Variants in SCHIP1 observed in about 807,000 individuals in gnomAD.
The protein encoded by SCHIP1 is schwannomin interacting protein 1.
In SCHIP1, 8 loss-of-function variants were observed where a neutral mutation model predicts 29.7. That is an observed-to-expected ratio of 0.27 (90% confidence interval 0.16 to 0.49). The LOEUF (loss-of-function observed/expected upper bound fraction) is 0.49, where lower values mean the gene tolerates loss of function less well. Among genes scored for constraint, SCHIP1 ranks in the 20% least tolerant of loss-of-function variants. The pLI is 0.99. For missense variants in SCHIP1, 193 were observed against 294.6 expected, an observed-to-expected ratio of 0.66 and a Z score of 2.52; for synonymous variants, 76 against 94.9, an observed-to-expected ratio of 0.80 and a Z score of 1.16.
At chr3:159,518,538 T>C in the SCHIP1 span, among the ~76,000 whole-genome samples, 3 of 152,272 alleles carry the variant, frequency 2.0e-5, no homozygotes, top group East Asian at 5.8e-4. Flanking sequence ...CATTCTGAGA[T>C]GCTCTATTAA....
chr3:159,606,294 C>CA, the SCHIP1 span, among the ~76,000 whole-genome samples: 2 of 152,082 alleles, frequency 1.3e-5, no homozygotes, highest in African/African-American at 4.8e-5. Context: ...ATTTTCACCT[C>CA]AAAAAAGTGG....
At chr3:159,469,873 C>T in the SCHIP1 span, among the ~76,000 whole-genome samples, 4 of 152,038 alleles carry the variant, frequency 2.6e-5, no homozygotes, top group Non-Finnish European at 5.9e-5. Flanking sequence ...AAAGTCAATT[C>T]CCCTTGTTAA....
the SCHIP1 span, among the ~76,000 whole-genome samples, chr3:159,546,120 A>G: frequency 6.6e-6 from 1 of 152,020 alleles, no homozygotes; most frequent in Non-Finnish European, 1.5e-5. Flanking sequence ...TTTAATTCTA[A>G]TGGTTAATCA....
chr3:159,506,905 C>G, the SCHIP1 span, among the ~76,000 whole-genome samples: 1 of 152,134 alleles, frequency 6.6e-6, no homozygotes. Flanking sequence ...TAGCGTGATG[C>G]CCCCAGCTTT....
chr3:159,640,759 A>T, the SCHIP1 span, among the ~76,000 whole-genome samples: 1 of 152,132 alleles, frequency 6.6e-6, no homozygotes, highest in Non-Finnish European at 1.5e-5. Flanking sequence ...TTTCATTACC[A>T]TTGACTGGCC....
the SCHIP1 span, among the ~76,000 whole-genome samples, chr3:159,425,996 A>G: frequency 6.6e-6 from 1 of 152,210 alleles, no homozygotes; most frequent in Non-Finnish European, 1.5e-5. Context: ...GAAACCAACA[A>G]GAACAAAGAC....
chr3:159,853,219 G>A (rs1560083013), intron 1 of SCHIP1: 1 of 483,912 alleles, frequency 2.1e-6, no homozygotes, highest in Non-Finnish European at 3.7e-6. Flanking sequence ...GGCAGTGTCT[G>A]TGGGACAGAG....
the SCHIP1 span, among the ~76,000 whole-genome samples, chr3:159,458,003 T>G: frequency 6.6e-6 from 1 of 152,288 alleles, no homozygotes. Flanking sequence ...AAAAATATAT[T>G]AAACCTCAAA....
chr3:159,711,008 T>C, the SCHIP1 span, among the ~76,000 whole-genome samples: 3 of 152,220 alleles, frequency 2.0e-5, no homozygotes, highest in Admixed American at 2.0e-4. Context: ...GAAATCTCTT[T>C]GTTGTGTCCC....
At chr3:159,803,285 A>G in the SCHIP1 span, among the ~76,000 whole-genome samples, 1 of 152,206 alleles carries the variant, frequency 6.6e-6, no homozygotes, top group Non-Finnish European at 1.5e-5. Flanking sequence ...GAAAGAATCA[A>G]TGAAAACGAG....
At chr3:159,390,271 C>A in the SCHIP1 span, among the ~76,000 whole-genome samples, 1 of 151,948 alleles carries the variant, frequency 6.6e-6, no homozygotes, top group Non-Finnish European at 1.5e-5. Context: ...ACAAGAAGTT[C>A]TTTATTGCAT....
At chr3:159,590,581 AAATAAAT>A in the SCHIP1 span, among the ~76,000 whole-genome samples, 2 of 149,750 alleles carry the variant, frequency 1.3e-5, no homozygotes, top group African/African-American at 5.1e-5. Flanking sequence ...ATCTTGAAAA[AAATAAAT>A]AAAAATAAAG....
chr3:159,627,178 C>G, the SCHIP1 span, among the ~76,000 whole-genome samples: 2 of 152,148 alleles, frequency 1.3e-5, no homozygotes, highest in Admixed American at 1.3e-4. Context: ...TGGTTTTCAG[C>G]TTCATCCATG....
the SCHIP1 span, among the ~76,000 whole-genome samples, chr3:159,364,063 A>T: frequency 6.6e-6 from 1 of 152,190 alleles, no homozygotes; most frequent in Non-Finnish European, 1.5e-5. Flanking sequence ...GGTTCCAATA[A>T]TGTAATAATA....
the SCHIP1 span, among the ~76,000 whole-genome samples, chr3:159,380,754 C>T: frequency 0.017 from 2,541 of 152,140 alleles, 61 homozygotes; most frequent in African/African-American, 0.058. Flanking sequence ...GAATGAGGCC[C>T]AAAGAGATTT....
the SCHIP1 span, among the ~76,000 whole-genome samples, chr3:159,393,541 G>A: frequency 1.3e-5 from 2 of 151,642 alleles, no homozygotes; most frequent in Non-Finnish European, 2.9e-5. Context: ...TGGCTAGCCA[G>A]TTTTCCCAGC....
At chr3:159,289,080 A>G in the SCHIP1 span, among the ~76,000 whole-genome samples, 2 of 152,170 alleles carry the variant, frequency 1.3e-5, no homozygotes, top group Non-Finnish European at 1.5e-5. Flanking sequence ...TCAAGAATGT[A>G]TCTTAAATAT....
chr3:159,588,016 T>C, the SCHIP1 span, among the ~76,000 whole-genome samples: 1 of 152,228 alleles, frequency 6.6e-6, no homozygotes, highest in Admixed American at 6.5e-5. Flanking sequence ...ATGGTATTTC[T>C]AGTTCTAGAT....
At chr3:159,490,592 G>A in the SCHIP1 span, among the ~76,000 whole-genome samples, 1 of 152,168 alleles carries the variant, frequency 6.6e-6, no homozygotes. Flanking sequence ...ATGCCAAAGT[G>A]CATGCACACA....
Sources: gnomAD v4.1 joint callset for allele counts (sites outside exome capture counted in the v4.1 genomes callset) on GRCh38, gnomAD v4.1.1 for gene constraint, MANE v1.5 for transcripts, NCBI Gene and HGNC (gene_info 2026-07-23, HGNC 2026-07-21) for gene names.